The following SRGAP2C variants were observed in gnomAD, a reference collection of about 807,000 sequenced individuals.
SRGAP2C encodes SLIT-ROBO Rho GTPase-activating protein 2C.
A neutral mutation model predicts 25.1 loss-of-function variants in SRGAP2C; 15 were observed. That is an observed-to-expected ratio of 0.60 (90% CI 0.40 to 0.92). SRGAP2C has a LOEUF of 0.92. SRGAP2C is among the 40% of genes least tolerant of loss of function. The probability of loss-of-function intolerance (pLI) is 0.00; values close to 1 mark genes in which losing one functional copy is unlikely to be tolerated. For missense variants in SRGAP2C, 144 were observed against 264.4 expected, an observed-to-expected ratio of 0.54 and a Z score of 3.16; for synonymous variants, 44 against 96.6, an observed-to-expected ratio of 0.46 and a Z score of 3.19.
At chr1:121,366,984 GA>G (rs1659342243) in intron 5 of SRGAP2C, among the ~76,000 whole-genome samples, 1 of 126,714 alleles carries the variant, frequency 7.9e-6, no homozygotes, top group Non-Finnish European at 1.7e-5. Context: ...TTTGAGTGAG[GA>G]AGAAAACCTT....
chr1:121,190,221 A>T (rs1268628387), intron 2 of SRGAP2C, among the ~76,000 whole-genome samples: 1 of 150,934 alleles, frequency 6.6e-6, no homozygotes, highest in Non-Finnish European at 1.5e-5. Flanking sequence ...GTTATATGGG[A>T]CTCATGGTGC....
At chr1:121,323,892 C>T (rs1658264772) in intron 3 of SRGAP2C, among the ~76,000 whole-genome samples, 1 of 151,698 alleles carries the variant, frequency 6.6e-6, no homozygotes, top group South Asian at 2.1e-4. Context: ...TTTTGTAGTG[C>T]TGTAGTGATT....
chr1:121,267,278 T>A (rs1656819860), intron 2 of SRGAP2C, among the ~76,000 whole-genome samples: 1 of 150,514 alleles, frequency 6.6e-6, no homozygotes, highest in African/African-American at 2.5e-5. Context: ...AGTGCAATCT[T>A]TGCCTTGTGG....
At chr1:121,321,992 T>C (rs1570782149) in intron 3 of SRGAP2C, among the ~76,000 whole-genome samples, 1 of 149,652 alleles carries the variant, frequency 6.7e-6, no homozygotes, top group East Asian at 2.0e-4. Context: ...CTTACTATAT[T>C]GCAGCATTTG....
chr1:121,364,879 C>T (rs1182618131), intron 4 of SRGAP2C, among the ~76,000 whole-genome samples: 1 of 17,708 alleles, frequency 5.6e-5, no homozygotes, highest in Non-Finnish European at 1.1e-4. Flanking sequence ...TTTGAAGTCC[C>T]TGAATGTTTA....
At chr1:121,360,818 C>T (rs1553348432) in intron 4 of SRGAP2C, 1 of 150,020 alleles carries the variant, frequency 6.7e-6, no homozygotes, top group African/African-American at 2.5e-5. Context: ...TGTTCCTTTC[C>T]TCTGAAATCT....
intron 4 of SRGAP2C, among the ~76,000 whole-genome samples, chr1:121,347,823 G>A (rs1448093840): frequency 2.0e-5 from 3 of 150,952 alleles, no homozygotes; most frequent in African/African-American, 4.9e-5. Context: ...ACACATGCCA[G>A]AGACACAGCT....
intron 3 of SRGAP2C, among the ~76,000 whole-genome samples, chr1:121,314,178 A>G (rs1658035571): frequency 8.6e-6 from 1 of 116,404 alleles, no homozygotes; most frequent in Admixed American, 8.8e-5. Context: ...CATTCATTTC[A>G]TCTTCCATTG....
rs1301810738 is a variant in SRGAP2C, at chr1:121,345,118, AG to A, written c.424-20174del. Among the ~76,000 whole-genome samples, 258 of 70,684 alleles carry A rather than the reference AG, an allele frequency of 3.7e-3. 3 individuals carry two copies. Among genetic ancestry groups the A allele is most frequent in the African/African-American group, 0.014 (240 of 17,048 alleles). 46.4% of individuals were successfully genotyped at this position (70,684 alleles called of 152,430 possible). A position where few individuals can be genotyped will look rare whatever the true frequency, so the allele number is the denominator to read the frequency against. ...GCAATTTTGGCAAGAACACCGTAGAAGCGATGTCATATTTTTCTTAGTGCGT... is the reference window on the plus strand; with the variant it reads ...GCAATTTTGGCAAGAACACCGTAGAACGATGTCATATTTTTCTTAGTGCGT... On this transcript the variant is annotated intron_variant, in intron 4 of 9. Transcript: ENST00000367123.
chr1:121,267,449 C>T (rs1656824951), intron 2 of SRGAP2C, among the ~76,000 whole-genome samples: 1 of 149,026 alleles, frequency 6.7e-6, no homozygotes, highest in Admixed American at 6.7e-5. Context: ...GCCTCAGCCT[C>T]CCAAAGTACT....
intron 2 of SRGAP2C, among the ~76,000 whole-genome samples, chr1:121,276,964 G>T: frequency 1.3e-5 from 1 of 76,090 alleles, no homozygotes; most frequent in East Asian, 5.5e-4. Context: ...TCAAACTCCT[G>T]ACCTCATGAT....
chr1:121,210,032 A>G (rs1655209676), intron 2 of SRGAP2C, among the ~76,000 whole-genome samples: 1 of 151,102 alleles, frequency 6.6e-6, no homozygotes, highest in South Asian at 2.1e-4. Flanking sequence ...TTGGGTTCAT[A>G]ACAGGTGATT....
chr1:121,227,290 C>CAA (rs1655699945), intron 2 of SRGAP2C, among the ~76,000 whole-genome samples: 1 of 152,142 alleles, frequency 6.6e-6, no homozygotes, highest in African/African-American at 2.4e-5. Context: ...ATTTAGCCCA[C>CAA]CTAATTGGAG....
chr1:121,319,632 C>T (rs1243553335), intron 3 of SRGAP2C, among the ~76,000 whole-genome samples: 16 of 150,940 alleles, frequency 1.1e-4, no homozygotes, highest in African/African-American at 3.7e-4. Flanking sequence ...AATGATTCAG[C>T]TATGCAGGTT....
rs1379732510 is a variant in SRGAP2C at position 121,341,274 on chromosome 1, T to C, written c.423+16634T>C. ...TTCACTTAGTCATTCAGCAGATATT[T>C]ACAGTGTGCCTCCCATGTTCCAGGC... On this transcript the variant is annotated intron_variant, in intron 4 of 9. Coordinates refer to ENST00000367123, the MANE Select transcript of SRGAP2C (RefSeq NM_001329984.2). 8.4e-5 allele frequency among the ~76,000 whole-genome samples: 7 copies of C among 83,712 alleles called. 2 individuals are homozygous for C. Among genetic ancestry groups the C allele is most frequent in the African/African-American group, 1.4e-4 (3 of 20,872 alleles). The allele number at this position is 83,712 out of a possible 152,430, so 54.9% of individuals were successfully genotyped here. A position where few individuals can be genotyped will look rare whatever the true frequency, so the allele number is the denominator to read the frequency against.
At chr1:121,338,942 AG>A (rs1658582381) in intron 4 of SRGAP2C, among the ~76,000 whole-genome samples, 1 of 150,132 alleles carries the variant, frequency 6.7e-6, no homozygotes, top group Non-Finnish European at 1.5e-5. Context: ...AATTTTAAAA[AG>A]TAGTAACGTG....
intron 5 of SRGAP2C, among the ~76,000 whole-genome samples, chr1:121,369,585 G>T (rs1283418566): frequency 6.6e-6 from 1 of 151,136 alleles, no homozygotes; most frequent in Non-Finnish European, 1.5e-5. Flanking sequence ...CTGTTCCCTT[G>T]AAACAATGGC....
At chr1:121,234,942 C>T (rs1467111536) in intron 2 of SRGAP2C, among the ~76,000 whole-genome samples, 4 of 151,818 alleles carry the variant, frequency 2.6e-5, no homozygotes, top group African/African-American at 7.3e-5. Flanking sequence ...GTAAGAAATT[C>T]TTTTCTCTTT....
At chr1:121,360,918 T>A (rs1371618426) in intron 4 of SRGAP2C, 1 of 148,130 alleles carries the variant, frequency 6.8e-6, no homozygotes, top group Non-Finnish European at 1.5e-5. Context: ...TAGTGGTTGT[T>A]GGGGAGATAT....
Sources: allele counts gnomAD v4.1 joint callset (sites outside exome capture counted in the v4.1 genomes callset), GRCh38; gene constraint gnomAD v4.1.1; transcripts MANE v1.5; gene names NCBI Gene and HGNC (gene_info 2026-07-23, HGNC 2026-07-21).